Variants in PIP5K1B observed in about 807,000 individuals in gnomAD.
PIP5K1B encodes phosphatidylinositol 4-phosphate 5-kinase type-1 beta.
A neutral mutation model predicts 67.0 loss-of-function variants in PIP5K1B; 42 were observed. The ratio of observed to expected loss-of-function variants is 0.63; its 90% CI spans 0.49 to 0.81. The LOEUF is 0.81. PIP5K1B is among the 30% of genes least tolerant of loss of function. The pLI is 0.00. For missense variants in PIP5K1B, 459 were observed against 646.3 expected (o/e 0.71, Z 3.14); for synonymous variants, 214 against 231.4 (o/e 0.92, Z 0.68).
At chr9:68,866,656 G>A (rs1267838054) in intron 5 of PIP5K1B, among the ~76,000 whole-genome samples, 2 of 152,188 alleles carry the variant, frequency 1.3e-5, no homozygotes, top group Non-Finnish European at 2.9e-5. Flanking sequence ...TCTCTGGGCT[G>A]TCTAAAATAA....
intron 7 of PIP5K1B, among the ~76,000 whole-genome samples, chr9:68,893,324 A>ATTT (rs1197422677): frequency 1.1e-5 from 1 of 94,192 alleles, no homozygotes; most frequent in Non-Finnish European, 2.2e-5. Context: ...TGTATTCCCT[A>ATTT]TTTTTTTTCT....
At chr9:68,882,698 A>G (rs1363905488) in intron 6 of PIP5K1B, among the ~76,000 whole-genome samples, 1 of 152,194 alleles carries the variant, frequency 6.6e-6, no homozygotes, top group East Asian at 1.9e-4. Flanking sequence ...ACTCCTACCC[A>G]TAAGGAAGTT....
At chr9:68,712,236 T>A (rs754316234) in intron 1 of PIP5K1B, among the ~76,000 whole-genome samples, 9 of 152,044 alleles carry the variant, frequency 5.9e-5, no homozygotes, top group Non-Finnish European at 1.0e-4. Context: ...TTACATGGAC[T>A]CCCCCTTCAC....
intron 4 of PIP5K1B, among the ~76,000 whole-genome samples, chr9:68,856,681 T>A (rs903363695): frequency 1.3e-5 from 2 of 152,218 alleles, no homozygotes; most frequent in Non-Finnish European, 2.9e-5. Context: ...CTTCGCACAA[T>A]GCCTAAAATA....
intron 4 of PIP5K1B, among the ~76,000 whole-genome samples, chr9:68,841,197 C>A (rs1193443129): frequency 3.3e-5 from 5 of 152,196 alleles, no homozygotes; most frequent in African/African-American, 1.2e-4. Flanking sequence ...TAAACATGAA[C>A]CTGGCTTCAA....
chr9:68,920,359 C>CTTTTTTTTTTTTTTTTTTTTT lies in PIP5K1B; in HGVS notation c.1116+636_1116+656dup, dbSNP rs5898051. ...ATACATGCTGGCTGCCTGAGGTTGT[C>CTTTTTTTTTTTTTTTTTTTTT]TTTTTTTTTTTTTTTTTTTTTTTTT... On this transcript the variant is annotated intron_variant, in intron 11 of 15. Coordinates refer to ENST00000265382, the MANE Select transcript of PIP5K1B (RefSeq NM_003558.4). Among the ~76,000 whole-genome samples the CTTTTTTTTTTTTTTTTTTTTT allele has an allele frequency of 1.4e-3, 137 of 98,372 alleles. 53 individuals carry two copies. Among genetic ancestry groups the CTTTTTTTTTTTTTTTTTTTTT allele is most frequent in the African/African-American group, 2.9e-3 (81 of 27,490 alleles). 64.5% of individuals were successfully genotyped at this position (98,372 alleles called of 152,430 possible). A position where few individuals can be genotyped will look rare whatever the true frequency, so the allele number is the denominator to read the frequency against.
At chr9:68,904,789 A>G (rs1825530345) in intron 8 of PIP5K1B, among the ~76,000 whole-genome samples, 1 of 151,644 alleles carries the variant, frequency 6.6e-6, no homozygotes, top group Non-Finnish European at 1.5e-5. Flanking sequence ...CTGCAAACCA[A>G]AGTATTATCA....
intron 2 of PIP5K1B, among the ~76,000 whole-genome samples, chr9:68,748,590 C>T (rs1446134833): frequency 2.7e-5 from 4 of 148,396 alleles, no homozygotes; most frequent in South Asian, 2.1e-4. Flanking sequence ...CACCACTCGG[C>T]GGCTGAGTTT....
At chr9:68,785,779 G>T (rs1831577191) in intron 2 of PIP5K1B, among the ~76,000 whole-genome samples, 1 of 152,144 alleles carries the variant, frequency 6.6e-6, no homozygotes, top group Non-Finnish European at 1.5e-5. Context: ...GATTGAATGG[G>T]TTCGTACACA....
At chr9:68,864,345 C>T (rs1259973634) in intron 5 of PIP5K1B, among the ~76,000 whole-genome samples, 1 of 152,124 alleles carries the variant, frequency 6.6e-6, no homozygotes, top group Non-Finnish European at 1.5e-5. Context: ...GTTTTTGCTC[C>T]CCCTAATTTA....
chr9:68,754,175 CT>C (rs71353081), intron 2 of PIP5K1B, among the ~76,000 whole-genome samples: 67 of 100,954 alleles, frequency 6.6e-4, no homozygotes, highest in Non-Finnish European at 5.5e-4. Flanking sequence ...TCCATGATTT[CT>C]TTTTTTTTTT....
intron 15 of PIP5K1B, among the ~76,000 whole-genome samples, chr9:68,992,163 A>G (rs1434233078): frequency 1.4e-5 from 2 of 145,326 alleles, no homozygotes; most frequent in Admixed American, 7.0e-5. Flanking sequence ...CGGGGTTTCC[A>G]TGTTGGTCAG....
chr9:68,928,106 A>G (rs752828019), intron 12 of PIP5K1B, among the ~76,000 whole-genome samples: 7 of 152,116 alleles, frequency 4.6e-5, no homozygotes, highest in Non-Finnish European at 1.0e-4. Context: ...TCGATTGACC[A>G]CAATTATAAT....
At chr9:68,947,383 T>C (rs183182845) in intron 14 of PIP5K1B, among the ~76,000 whole-genome samples, 22 of 152,242 alleles carry the variant, frequency 1.4e-4, no homozygotes, top group Admixed American at 1.4e-3. Flanking sequence ...GGAAGAAAGA[T>C]AAATGAGAGC....
chr9:68,937,898 G>A (rs143312784), intron 13 of PIP5K1B, among the ~76,000 whole-genome samples: 149 of 152,312 alleles, frequency 9.8e-4, no homozygotes, highest in Middle Eastern at 3.4e-3. Flanking sequence ...CAGTTTCCAT[G>A]TAGTTGTGCA....
chr9:68,896,748 A>G (rs1429107407), intron 8 of PIP5K1B, among the ~76,000 whole-genome samples: 1 of 152,196 alleles, frequency 6.6e-6, no homozygotes, highest in African/African-American at 2.4e-5. Context: ...TGGGATCTGG[A>G]TTCAACAGCT....
rs146509462 is a variant in PIP5K1B, at chr9:68,777,605, C to T, written c.-86+34948C>T. ...AGCTCTACAAGGACAAGGGTAGAAA[C>T]TGGGAAACCAGCTAAGATCTCTAAT... On this transcript the variant is annotated intron_variant, in intron 2 of 15. Transcript: ENST00000265382. Among the ~76,000 whole-genome samples, 19 of 152,300 alleles carry T rather than the reference C, an allele frequency of 1.2e-4. No individual in the cohort carries two copies. In the East Asian group the frequency reaches 3.7e-3, roughly 29 times the overall value.
intron 4 of PIP5K1B, among the ~76,000 whole-genome samples, chr9:68,838,223 A>G (rs924168222): frequency 6.6e-6 from 1 of 151,610 alleles, no homozygotes; most frequent in African/African-American, 2.4e-5. Context: ...ATTCTTGGGT[A>G]TTCTAGGTAG....
intron 2 of PIP5K1B, among the ~76,000 whole-genome samples, chr9:68,790,070 T>G (rs1003437449): frequency 5.3e-5 from 8 of 152,212 alleles, no homozygotes; most frequent in Middle Eastern, 6.8e-3. Flanking sequence ...GACCCTTCCC[T>G]CCCCTCCTTT....
Sources: gnomAD v4.1 joint callset for allele counts (sites outside exome capture counted in the v4.1 genomes callset) on GRCh38, gnomAD v4.1.1 for gene constraint, MANE v1.5 for transcripts, NCBI Gene and HGNC (gene_info 2026-07-23, HGNC 2026-07-21) for gene names.